Variants in CTNNBL1 observed in about 807,000 individuals in gnomAD.
CTNNBL1 encodes the protein catenin beta like 1.
Under a neutral mutation model 72.7 loss-of-function variants are expected in CTNNBL1, and 31 were observed. That is an observed-to-expected ratio of 0.43 (90% CI 0.32 to 0.58). The LOEUF is 0.58. Among genes scored for constraint, CTNNBL1 ranks in the 20% least tolerant of loss-of-function variants. The probability of loss-of-function intolerance (pLI) is 0.08; values close to 1 mark genes in which losing one functional copy is unlikely to be tolerated. For synonymous variants in CTNNBL1, 240 were observed against 267.3 expected (o/e 0.90, Z 1.00); for missense variants, 534 against 725.1 (o/e 0.74, Z 3.03).
chr20:37,791,745 C>T (rs999681829), intron 10 of CTNNBL1, among the ~76,000 whole-genome samples: 4 of 152,116 alleles, frequency 2.6e-5, no homozygotes, highest in African/African-American at 4.8e-5. Context: ...TTGTGAACTG[C>T]GCGTGCGAGC....
At chr20:37,783,413 G>A (rs2073643666) in intron 10 of CTNNBL1, among the ~76,000 whole-genome samples, 1 of 151,726 alleles carries the variant, frequency 6.6e-6, no homozygotes, top group African/African-American at 2.4e-5. Flanking sequence ...TATGGGTTTG[G>A]TTGGCTCTTA....
rs984566708 is a variant in CTNNBL1 at position 37,803,529 on chromosome 20, A to G, written c.1213+481A>G. On this transcript the variant is annotated intron_variant, in intron 11 of 15. Transcript: ENST00000361383. ...CCCTGATGGTGCACGCTCCCAGCAA[A>G]ATGCTGCCATGAATTGTGACGCTGT... 1.2e-4 allele frequency among the ~76,000 whole-genome samples: 18 copies of G among 152,114 alleles called. 1 individual carries two copies. The highest frequency in any genetic ancestry group is 3.9e-4 in the Admixed American group (6 of 15,278).
At chr20:37,870,015 A>G (rs1210501903) in intron 15 of CTNNBL1, among the ~76,000 whole-genome samples, 1 of 151,844 alleles carries the variant, frequency 6.6e-6, no homozygotes, top group Non-Finnish European at 1.5e-5. Context: ...ATCTCCTAAA[A>G]AAAAAAAAAA....
At chr20:37,762,343 G>C (rs941146811) in intron 5 of CTNNBL1, among the ~76,000 whole-genome samples, 2 of 152,140 alleles carry the variant, frequency 1.3e-5, no homozygotes, top group African/African-American at 2.4e-5. Context: ...TTGGCAGATC[G>C]TACCAGATAG....
chr20:37,870,575 T>C (rs2072575489), intron 15 of CTNNBL1, among the ~76,000 whole-genome samples: 1 of 152,320 alleles, frequency 6.6e-6, no homozygotes, highest in Admixed American at 6.5e-5. Context: ...ATCAAGAAGC[T>C]GAAGACGTCG....
chr20:37,718,736 AAG>A (rs2073015922), intron 1 of CTNNBL1, among the ~76,000 whole-genome samples: 1 of 152,264 alleles, frequency 6.6e-6, no homozygotes, highest in African/African-American at 2.4e-5. Flanking sequence ...GCAGATAGGC[AAG>A]GAACAACTGC....
At chr20:37,773,343 C>A (rs2073542426) in intron 7 of CTNNBL1, among the ~76,000 whole-genome samples, 1 of 152,154 alleles carries the variant, frequency 6.6e-6, no homozygotes, top group African/African-American at 2.4e-5. Context: ...TGAGTGGTAG[C>A]ATAATTGTTT....
intron 1 of CTNNBL1, among the ~76,000 whole-genome samples, chr20:37,705,576 C>G (rs2122548984): frequency 6.6e-6 from 1 of 152,192 alleles, no homozygotes; most frequent in South Asian, 2.1e-4. Context: ...GTTTGTTACC[C>G]ACACATGCTA....
At chr20:37,792,218 A>G (rs2073731168) in intron 10 of CTNNBL1, among the ~76,000 whole-genome samples, 4 of 152,094 alleles carry the variant, frequency 2.6e-5, no homozygotes, top group East Asian at 3.8e-4. Context: ...GAGGCTTATC[A>G]GTTTTATTGA....
chr20:37,828,906 T>A (rs867183617), intron 11 of CTNNBL1, among the ~76,000 whole-genome samples: 1 of 151,986 alleles, frequency 6.6e-6, no homozygotes, highest in Non-Finnish European at 1.5e-5. Flanking sequence ...GGGAAAAAAA[T>A]AATAATAAAG....
chr20:37,809,082 C>T (rs1470142705), intron 11 of CTNNBL1, among the ~76,000 whole-genome samples: 2 of 152,100 alleles, frequency 1.3e-5, no homozygotes, highest in African/African-American at 4.8e-5. Context: ...GCTTTAGTCT[C>T]CCAATTCTCA....
At chr20:37,826,606 C>A (rs2072162186) in intron 11 of CTNNBL1, among the ~76,000 whole-genome samples, 1 of 152,200 alleles carries the variant, frequency 6.6e-6, no homozygotes, top group South Asian at 2.1e-4. Context: ...CTTTTTCTTG[C>A]CTCCTTCTCA....
chr20:37,710,191 A>T (rs2072925093), intron 1 of CTNNBL1, among the ~76,000 whole-genome samples: 1 of 152,156 alleles, frequency 6.6e-6, no homozygotes. Flanking sequence ...GTTGTGCCTG[A>T]ATTCTCTCAT....
intron 15 of CTNNBL1, 56 bp from the exon 16 acceptor site, chr20:37,871,869 G>T (rs940184256): frequency 1.0e-5 from 15 of 1,480,876 alleles, no homozygotes; most frequent in Admixed American, 1.7e-5. Context: ...AAGCGACGCA[G>T]CCACGGTGGA....
intron 7 of CTNNBL1, among the ~76,000 whole-genome samples, chr20:37,770,305 C>G (rs1340398058): frequency 2.6e-5 from 4 of 152,176 alleles, no homozygotes; most frequent in Non-Finnish European, 5.9e-5. Flanking sequence ...TCTCCAAAGC[C>G]TTGAGACATT....
intron 11 of CTNNBL1, among the ~76,000 whole-genome samples, chr20:37,812,112 G>A (rs1266591646): frequency 6.6e-6 from 1 of 152,162 alleles, no homozygotes; most frequent in Non-Finnish European, 1.5e-5. Context: ...CTAGCTAGTG[G>A]CCTTGGGCAA....
At chr20:37,850,008 T>C (rs1274344182) in intron 13 of CTNNBL1, among the ~76,000 whole-genome samples, 1 of 152,240 alleles carries the variant, frequency 6.6e-6, no homozygotes, top group Admixed American at 6.5e-5. Context: ...ATTTTGGGCC[T>C]GCATGCTTAT....
chr20:37,762,617 G>A (rs1472105140), intron 5 of CTNNBL1, among the ~76,000 whole-genome samples: 3 of 152,150 alleles, frequency 2.0e-5, no homozygotes, highest in African/African-American at 7.2e-5. Flanking sequence ...TTTGTTTTTA[G>A]TTTCAGACTT....
chr20:37,813,016 T>TA lies in CTNNBL1; in HGVS notation c.1213+9979dup, dbSNP rs397840102. Among the ~76,000 whole-genome samples the TA allele has an allele frequency of 4.4e-3, 639 of 145,740 alleles. 5 individuals carry two copies. The highest frequency in any genetic ancestry group is 0.014 in the African/African-American group (558 of 39,934). On this transcript the variant is annotated intron_variant, in intron 11 of 15. Transcript: ENST00000361383. ...AGTCAATGGAAAAAGCAGCATGTATTAAAAAAAAAAAGTTGGGAGGGACAA... is the reference window on the plus strand; with the variant it reads ...AGTCAATGGAAAAAGCAGCATGTATTAAAAAAAAAAAAGTTGGGAGGGACAA...
Sources: gnomAD v4.1 joint callset for allele counts (sites outside exome capture counted in the v4.1 genomes callset) on GRCh38, gnomAD v4.1.1 for gene constraint, MANE v1.5 for transcripts, NCBI Gene and HGNC (gene_info 2026-07-23, HGNC 2026-07-21) for gene names.